FHIT: variants seen among roughly 807,000 people sequenced by gnomAD.
FHIT encodes the protein fragile histidine triad diadenosine triphosphatase, also known as bis(5'-adenosyl)-triphosphatase.
A neutral mutation model predicts 17.9 loss-of-function variants in FHIT; 19 were observed. That is an observed-to-expected ratio of 1.06 (90% CI 0.74 to 1.56). FHIT has a LOEUF of 1.56. FHIT is among the 40% of genes most tolerant of loss of function. FHIT has a pLI of 0.00. For missense variants in FHIT, 248 were observed against 189.2 expected (o/e 1.31, Z -1.82); for synonymous variants, 81 against 69.7 (o/e 1.16, Z -0.81).
intron 8 of FHIT, among the ~76,000 whole-genome samples, chr3:59,757,500 C>A (rs1372392255): frequency 6.6e-6 from 1 of 152,122 alleles, no homozygotes; most frequent in Non-Finnish European, 1.5e-5. Flanking sequence ...GAATTCCCTG[C>A]TGTATTGCTC....
intron 5 of FHIT, among the ~76,000 whole-genome samples, chr3:60,290,369 G>T (rs1707926402): frequency 1.3e-5 from 2 of 152,036 alleles, no homozygotes. Context: ...AATGTGATTT[G>T]TTTATAAATG....
intron 1 of FHIT, among the ~76,000 whole-genome samples, chr3:61,214,888 C>G (rs1022085760): frequency 6.6e-6 from 1 of 152,102 alleles, no homozygotes; most frequent in Non-Finnish European, 1.5e-5. Context: ...AGCATATAAA[C>G]AGAGCCAAAG....
intron 5 of FHIT, among the ~76,000 whole-genome samples, chr3:60,277,674 C>T (rs532146196): frequency 1.3e-5 from 2 of 152,264 alleles, no homozygotes; most frequent in African/African-American, 4.8e-5. Context: ...TCAAGCCTGC[C>T]TATAAACTCC....
At chr3:60,256,367 C>G (rs1432958839) in intron 5 of FHIT, among the ~76,000 whole-genome samples, 1 of 152,166 alleles carries the variant, frequency 6.6e-6, no homozygotes, top group African/African-American at 2.4e-5. Flanking sequence ...CCATTTTTCT[C>G]AAGCCTTTTA....
intron 2 of FHIT, among the ~76,000 whole-genome samples, chr3:61,138,109 GGA>G (rs2036969342): frequency 8.6e-6 from 1 of 116,178 alleles, no homozygotes; most frequent in African/African-American, 2.8e-5. Context: ...CCACCTCATA[GGA>G]GTATTACAAG....
intron 3 of FHIT, among the ~76,000 whole-genome samples, chr3:60,885,020 G>C (rs1705159125): frequency 7.2e-6 from 1 of 139,184 alleles, no homozygotes; most frequent in Admixed American, 7.1e-5. Flanking sequence ...GAGGTAGAAA[G>C]TTGATGGGTG....
chr3:59,793,363 G>C (rs1402444754), intron 8 of FHIT, among the ~76,000 whole-genome samples: 2 of 152,094 alleles, frequency 1.3e-5, no homozygotes, highest in Non-Finnish European at 2.9e-5. Flanking sequence ...AGAAAGTGTA[G>C]ATCGTCTTCT....
intron 4 of FHIT, among the ~76,000 whole-genome samples, chr3:60,721,181 G>A (rs533415255): frequency 6.6e-6 from 1 of 152,174 alleles, no homozygotes; most frequent in South Asian, 2.1e-4. Context: ...AGGTGAGCCG[G>A]GAAGCATTTG....
intron 4 of FHIT, among the ~76,000 whole-genome samples, chr3:60,629,585 TATTAAAGCAGA>T (rs1553681914): frequency 1.3e-5 from 2 of 152,344 alleles, no homozygotes; most frequent in East Asian, 3.9e-4. Context: ...CCGTGTCTAG[TATTAAAGCAGA>T]ATTAAAGTCA....
chr3:59,980,468 A>C (rs1360633087), intron 7 of FHIT, among the ~76,000 whole-genome samples: 1 of 152,192 alleles, frequency 6.6e-6, no homozygotes, highest in Non-Finnish European at 1.5e-5. Flanking sequence ...ATTAGCCCTC[A>C]TTCTACAGTT....
At chr3:60,688,643 G>A (rs2040915557) in intron 4 of FHIT, among the ~76,000 whole-genome samples, 1 of 151,818 alleles carries the variant, frequency 6.6e-6, no homozygotes, top group Non-Finnish European at 1.5e-5. Context: ...TATTGGCCAG[G>A]CTGGTCTCAA....
intron 5 of FHIT, among the ~76,000 whole-genome samples, chr3:60,402,608 C>T (rs1230049827): frequency 2.6e-5 from 4 of 152,166 alleles, no homozygotes; most frequent in Non-Finnish European, 5.9e-5. Context: ...ACAACATGCA[C>T]CAGATTTCTG....
chr3:59,810,167 C>T (rs1379377901), intron 8 of FHIT, among the ~76,000 whole-genome samples: 2 of 152,012 alleles, frequency 1.3e-5, no homozygotes, highest in African/African-American at 4.8e-5. Context: ...ACTGGTGGTC[C>T]CTGAAAGCCA....
intron 2 of FHIT, among the ~76,000 whole-genome samples, chr3:61,154,527 G>A (rs186355137): frequency 6.6e-6 from 1 of 152,196 alleles, no homozygotes; most frequent in Non-Finnish European, 1.5e-5. Context: ...GACCTGCAAT[G>A]CATTTGCTAC....
chr3:60,555,931 AT>A (rs1445241544), intron 4 of FHIT, among the ~76,000 whole-genome samples: 1 of 152,164 alleles, frequency 6.6e-6, no homozygotes, highest in African/African-American at 2.4e-5. Flanking sequence ...TGGTCTTATG[AT>A]TCACACTGAC....
At chr3:61,040,077 G>A (rs569145734) in intron 3 of FHIT, among the ~76,000 whole-genome samples, 1 of 152,206 alleles carries the variant, frequency 6.6e-6, no homozygotes, top group East Asian at 1.9e-4. Flanking sequence ...ATGAGAAAGG[G>A]CATTTGCAAA....
At chr3:60,524,652 C>A (rs540277359) in intron 5 of FHIT, among the ~76,000 whole-genome samples, 2 of 152,150 alleles carry the variant, frequency 1.3e-5, no homozygotes, top group Non-Finnish European at 2.9e-5. Context: ...AGCAGGGCCA[C>A]GCTCCCTCTT....
At chr3:60,320,344 T>C (rs1709369631) in intron 5 of FHIT, among the ~76,000 whole-genome samples, 1 of 152,074 alleles carries the variant, frequency 6.6e-6, no homozygotes, top group African/African-American at 2.4e-5. Flanking sequence ...TAAGAAAATA[T>C]TTTCAAGACA....
At chr3:60,120,216 A>C (rs1705185707) in intron 5 of FHIT, among the ~76,000 whole-genome samples, 1 of 152,190 alleles carries the variant, frequency 6.6e-6, no homozygotes, top group South Asian at 2.1e-4. Flanking sequence ...CTGTCCACCC[A>C]ACTGGACAGT....
Sources: gnomAD v4.1 joint callset for allele counts (sites outside exome capture counted in the v4.1 genomes callset) on GRCh38, gnomAD v4.1.1 for gene constraint, MANE v1.5 for transcripts, NCBI Gene and HGNC (gene_info 2026-07-23, HGNC 2026-07-21) for gene names.